KPNA3: variants seen among roughly 807,000 people sequenced by gnomAD.
The protein encoded by KPNA3 is karyopherin subunit alpha 3, also known as importin subunit alpha-4.
In KPNA3, 13 loss-of-function variants were observed where a neutral mutation model predicts 73.8. That is an observed-to-expected ratio of 0.18 (90% confidence interval 0.11 to 0.28). The LOEUF (loss-of-function observed/expected upper bound fraction) is 0.28. Ranked by LOEUF, KPNA3 falls within the 10% of genes least tolerant of loss-of-function variation. The pLI is 1.00. For synonymous variants in KPNA3, 186 were observed against 206.9 expected (o/e 0.90, Z 0.87); for missense variants, 360 against 618.1 (o/e 0.58, Z 4.43).
At chr13:49,749,357 T>C (rs1594449095) in intron 1 of KPNA3, among the ~76,000 whole-genome samples, 1 of 152,162 alleles carries the variant, frequency 6.6e-6, no homozygotes, top group African/African-American at 2.4e-5. Flanking sequence ...ATAAGGAAAG[T>C]TGGAAATAGA....
At position 49,771,857 on chromosome 13, in the gene KPNA3, T is replaced by C. The variant is rs114861605; in HGVS notation, c.69+20581A>G. On this transcript the variant is annotated intron_variant, in intron 1 of 16. Transcript: ENST00000261667. ...TTTTTGTAGTGACGGGATCTAGCCA[T>C]GTTGCCCAGGCTGGTCTTGAATTCC... Among the ~76,000 whole-genome samples the C allele has an allele frequency of 3.1e-3, 478 of 152,254 alleles. 2 individuals carry two copies. The highest frequency in any genetic ancestry group is 0.011 in the African/African-American group (458 of 41,550).
At chr13:49,759,823 C>T (rs529377701) in intron 1 of KPNA3, among the ~76,000 whole-genome samples, 4 of 152,256 alleles carry the variant, frequency 2.6e-5, no homozygotes, top group South Asian at 2.1e-4. Context: ...TAATGGGCCA[C>T]GGACTGGTAG....
At chr13:49,767,652 C>T (rs1405480400) in intron 1 of KPNA3, among the ~76,000 whole-genome samples, 6 of 152,182 alleles carry the variant, frequency 3.9e-5, no homozygotes, top group Middle Eastern at 6.8e-3. Context: ...AAGAGCTACA[C>T]AATGGAAAGA....
chr13:49,772,446 A>T (rs1036461664), intron 1 of KPNA3, among the ~76,000 whole-genome samples: 14 of 152,328 alleles, frequency 9.2e-5, no homozygotes, highest in African/African-American at 3.1e-4. Flanking sequence ...AACAATTAGA[A>T]TTCTCGCACT....
chr13:49,729,858 A>C (rs554835447), intron 6 of KPNA3, among the ~76,000 whole-genome samples: 4 of 151,726 alleles, frequency 2.6e-5, no homozygotes, highest in Non-Finnish European at 5.9e-5. Flanking sequence ...CTTTGTATGT[A>C]TTATTTCCAT....
At chr13:49,777,626 A>C (rs1398254023) in intron 1 of KPNA3, among the ~76,000 whole-genome samples, 1 of 151,554 alleles carries the variant, frequency 6.6e-6, no homozygotes, top group Non-Finnish European at 1.5e-5. Context: ...TCAGCCTCCC[A>C]AGGAGCTTGG....
At chr13:49,790,554 A>G (rs1479525645) in intron 1 of KPNA3, among the ~76,000 whole-genome samples, 1 of 152,244 alleles carries the variant, frequency 6.6e-6, no homozygotes, top group East Asian at 1.9e-4. Flanking sequence ...GAAGCTCGTA[A>G]CAGTGTCTGC....
At chr13:49,723,331 G>T (rs1454430553) in intron 7 of KPNA3, among the ~76,000 whole-genome samples, 2 of 152,016 alleles carry the variant, frequency 1.3e-5, no homozygotes, top group Non-Finnish European at 2.9e-5. Flanking sequence ...TAACACTCTG[G>T]GAGGCCGAGG....
intron 15 of KPNA3, among the ~76,000 whole-genome samples, chr13:49,705,221 T>C (rs868469736): frequency 1.3e-5 from 2 of 151,982 alleles, no homozygotes; most frequent in African/African-American, 2.4e-5. Flanking sequence ...CCACTGGGTG[T>C]GGTGGTGTGC....
At chr13:49,704,419 AAAATAAATAAATAAAAAATAAATAAAT>A (rs1227465610) in intron 15 of KPNA3, among the ~76,000 whole-genome samples, 1 of 127,594 alleles carries the variant, frequency 7.8e-6, no homozygotes, top group Non-Finnish European at 1.7e-5. Flanking sequence ...TCTCAAAAAA[AAAATAAATAAATAAAAAATAAATAAAT>A]AAATAAATAA....
intron 1 of KPNA3, among the ~76,000 whole-genome samples, chr13:49,786,064 T>C (rs1249656356): frequency 6.6e-6 from 1 of 152,226 alleles, no homozygotes; most frequent in East Asian, 1.9e-4. Flanking sequence ...ATTTTTTTAT[T>C]AACCATTCAA....
chr13:49,782,023 C>T (rs1954945059), intron 1 of KPNA3, among the ~76,000 whole-genome samples: 1 of 152,178 alleles, frequency 6.6e-6, no homozygotes, highest in South Asian at 2.1e-4. Context: ...CAAGATGAAT[C>T]AATTAGGTCT....
chr13:49,741,479 A>T (rs1376708566), intron 2 of KPNA3, among the ~76,000 whole-genome samples: 5 of 125,988 alleles, frequency 4.0e-5, no homozygotes, highest in African/African-American at 6.1e-5. Context: ...TTTGAGATGG[A>T]GTCTTGTTCT....
chr13:49,741,230 A>C (rs895529156), intron 2 of KPNA3, among the ~76,000 whole-genome samples: 1 of 152,128 alleles, frequency 6.6e-6, no homozygotes, highest in Non-Finnish European at 1.5e-5. Flanking sequence ...TATAATGTCT[A>C]TACTAATTTA....
chr13:49,792,101 G>A (rs1396150643), intron 1 of KPNA3, among the ~76,000 whole-genome samples: 2 of 152,232 alleles, frequency 1.3e-5, no homozygotes, highest in East Asian at 1.9e-4. Flanking sequence ...CGGAGGGCCC[G>A]GGCGGCAGCA....
intron 2 of KPNA3, among the ~76,000 whole-genome samples, chr13:49,739,395 C>A (rs1361413396): frequency 6.6e-6 from 1 of 152,078 alleles, no homozygotes; most frequent in African/African-American, 2.4e-5. Flanking sequence ...AAGAGCTCTG[C>A]CATTTATTAG....
chr13:49,787,984 A>C (rs1954998960), intron 1 of KPNA3, among the ~76,000 whole-genome samples: 1 of 152,148 alleles, frequency 6.6e-6, no homozygotes, highest in Non-Finnish European at 1.5e-5. Context: ...CCAGCCGCTT[A>C]GCATAAAGCT....
intron 16 of KPNA3, 133 bp downstream of exon 16, chr13:49,702,253 T>G: frequency 1.7e-6 from 1 of 601,960 alleles, no homozygotes; most frequent in Non-Finnish European, 2.9e-6. Flanking sequence ...AGAAAGTGAC[T>G]GATGGAATGT....
chr13:49,734,181 C>A (rs1954498099), intron 2 of KPNA3, among the ~76,000 whole-genome samples: 1 of 152,196 alleles, frequency 6.6e-6, no homozygotes, highest in Admixed American at 6.5e-5. Context: ...ACCACTTTAA[C>A]TGTATTCTAC....
Sources: gnomAD v4.1 joint callset for allele counts (sites outside exome capture counted in the v4.1 genomes callset) on GRCh38, gnomAD v4.1.1 for gene constraint, MANE v1.5 for transcripts, NCBI Gene and HGNC (gene_info 2026-07-23, HGNC 2026-07-21) for gene names.